KIAA1217: variants seen among roughly 807,000 people sequenced by gnomAD.
KIAA1217 encodes the protein sickle tail protein homolog.
In KIAA1217, 88 loss-of-function variants were observed where a neutral mutation model predicts 163.9. That is an observed-to-expected ratio of 0.54 (90% CI 0.45 to 0.64). KIAA1217 has a LOEUF of 0.64. KIAA1217 is among the 30% of genes least tolerant of loss of function. The probability of loss-of-function intolerance (pLI) is 0.00; values close to 1 mark genes in which losing one functional copy is unlikely to be tolerated. For missense variants in KIAA1217, 2,372 were observed against 2,475.0 expected (o/e 0.96, Z 0.88); for synonymous variants, 903 against 923.1 (o/e 0.98, Z 0.39).
At chr10:24,102,664 G>T (rs2062461340) in intron 2 of KIAA1217, among the ~76,000 whole-genome samples, 1 of 152,196 alleles carries the variant, frequency 6.6e-6, no homozygotes, top group African/African-American at 2.4e-5. Flanking sequence ...CAGTAATCAA[G>T]ATAATGTGGT....
At chr10:24,492,355 G>A (rs983710935) in intron 6 of KIAA1217, among the ~76,000 whole-genome samples, 11 of 152,200 alleles carry the variant, frequency 7.2e-5, no homozygotes, top group African/African-American at 2.7e-4. Flanking sequence ...GGGTTGCCAA[G>A]GTATGACTGA....
At chr10:23,721,415 T>A (rs1206683295) in intron 1 of KIAA1217, among the ~76,000 whole-genome samples, 1 of 152,218 alleles carries the variant, frequency 6.6e-6, no homozygotes, top group East Asian at 1.9e-4. Flanking sequence ...GGTAAAATAA[T>A]AGGTAAGACA....
rs113694066 is a variant in KIAA1217 at position 23,833,820 on chromosome 10, C to T, written c.-321+138586C>T. 5.2e-3 allele frequency among the ~76,000 whole-genome samples: 787 copies of T among 152,024 alleles called. 10 individuals are homozygous for T. The highest frequency in any genetic ancestry group is 0.017 in the African/African-American group (711 of 41,498). Reference sequence around the variant, plus strand: ...ATTTCTATTAGATAAGTGATATAACCTCTCAGTCTGTGCCCTTTTATTTTT... The same window carrying T: ...ATTTCTATTAGATAAGTGATATAACTTCTCAGTCTGTGCCCTTTTATTTTT... On this transcript the variant is annotated intron_variant, in intron 1 of 18. Transcript: ENST00000376462.
rs180843437 is a variant in KIAA1217, at chr10:24,449,114, C to G, written c.846+10635C>G. On this transcript the variant is annotated intron_variant, in intron 5 of 20. Coordinates refer to ENST00000376454, the MANE Select transcript of KIAA1217 (RefSeq NM_019590.5). ...CTGTTATGATTGATAAGGAAGGACT[C>G]TTACAGAAATGATTAGCTAGGCAAA... Among the ~76,000 whole-genome samples, 7 of 152,304 alleles carry G rather than the reference C, an allele frequency of 4.6e-5. No homozygotes were observed. In the East Asian group the frequency reaches 1.3e-3, roughly 29 times the overall value.
intron 1 of KIAA1217, among the ~76,000 whole-genome samples, chr10:23,816,372 A>G (rs1837314376): frequency 6.6e-6 from 1 of 152,132 alleles, no homozygotes; most frequent in Admixed American, 6.6e-5. Flanking sequence ...GGCTCACTGC[A>G]ACCTCCACCT....
At chr10:24,055,864 TAGA>T (rs2060512219) in intron 2 of KIAA1217, among the ~76,000 whole-genome samples, 1 of 151,850 alleles carries the variant, frequency 6.6e-6, no homozygotes, top group Admixed American at 6.6e-5. Context: ...TAGCTATAAA[TAGA>T]AGAATCATCA....
chr10:23,758,255 A>G (rs932547208), intron 1 of KIAA1217, among the ~76,000 whole-genome samples: 6 of 152,162 alleles, frequency 3.9e-5, no homozygotes, highest in African/African-American at 9.7e-5. Context: ...TAAGGGTCCA[A>G]TTTCATTCTT....
At chr10:24,344,811 T>C (rs1380544523) in intron 2 of KIAA1217, among the ~76,000 whole-genome samples, 1 of 152,246 alleles carries the variant, frequency 6.6e-6, no homozygotes, top group Non-Finnish European at 1.5e-5. Flanking sequence ...GTCTTCCATA[T>C]GTTTAATGGT....
chr10:24,467,790 GTGTGTA>G (rs934330541), intron 5 of KIAA1217, among the ~76,000 whole-genome samples: 2 of 146,974 alleles, frequency 1.4e-5, no homozygotes, highest in Admixed American at 1.4e-4. Flanking sequence ...CAACTCGTAT[GTGTGTA>G]TGTGTATGTG....
At chr10:24,495,055 A>G in intron 7 of KIAA1217, 92 bp from the exon 8 acceptor site, 2 of 1,063,814 alleles carry the variant, frequency 1.9e-6, no homozygotes, top group South Asian at 1.4e-5. Flanking sequence ...ATCACTGCCA[A>G]TTGCTTCAAA....
At chr10:23,807,431 A>G (rs1038749662) in intron 1 of KIAA1217, among the ~76,000 whole-genome samples, 1 of 152,266 alleles carries the variant, frequency 6.6e-6, no homozygotes, top group African/African-American at 2.4e-5. Flanking sequence ...CAGAATGTTC[A>G]GGAATGAGGC....
At chr10:23,814,068 T>G (rs1837204018) in intron 1 of KIAA1217, among the ~76,000 whole-genome samples, 1 of 152,152 alleles carries the variant, frequency 6.6e-6, no homozygotes, top group Non-Finnish European at 1.5e-5. Flanking sequence ...TAAAGAGACA[T>G]AAAACAATTA....
intron 1 of KIAA1217, among the ~76,000 whole-genome samples, chr10:23,761,532 G>C (rs766350920): frequency 6.6e-6 from 1 of 152,174 alleles, no homozygotes; most frequent in Non-Finnish European, 1.5e-5. Context: ...TCAGGAGCAA[G>C]TTGTTCAATT....
chr10:23,983,364 G>T (rs1325513257), intron 1 of KIAA1217, among the ~76,000 whole-genome samples: 1 of 152,124 alleles, frequency 6.6e-6, no homozygotes, highest in Non-Finnish European at 1.5e-5. Context: ...AGTTTAATTG[G>T]CTCATGATTC....
chr10:23,803,175 T>C (rs1836556151), intron 1 of KIAA1217, among the ~76,000 whole-genome samples: 2 of 152,214 alleles, frequency 1.3e-5, no homozygotes, highest in African/African-American at 4.8e-5. Flanking sequence ...ACTGGATTTA[T>C]AATTTGGGGT....
At chr10:23,791,147 T>C (rs2130933303) in intron 1 of KIAA1217, among the ~76,000 whole-genome samples, 1 of 152,330 alleles carries the variant, frequency 6.6e-6, no homozygotes, top group Non-Finnish European at 1.5e-5. Context: ...AAAATTCTGT[T>C]AATTTGGTTT....
intron 1 of KIAA1217, among the ~76,000 whole-genome samples, chr10:23,847,065 T>C (rs745797711): frequency 6.6e-5 from 10 of 152,174 alleles, no homozygotes; most frequent in Non-Finnish European, 1.2e-4. Flanking sequence ...TGAACCACCC[T>C]TGCCTCCCAG....
At chr10:24,337,333 G>A (rs764783318) in intron 2 of KIAA1217, among the ~76,000 whole-genome samples, 15 of 152,294 alleles carry the variant, frequency 9.8e-5, no homozygotes, top group South Asian at 2.1e-4. Flanking sequence ...CTAGCCATTA[G>A]AGAAATGCAA....
chr10:24,478,407 A>G (rs572008670), intron 6 of KIAA1217, among the ~76,000 whole-genome samples: 2 of 152,336 alleles, frequency 1.3e-5, no homozygotes, highest in East Asian at 3.9e-4. Flanking sequence ...AGCATCTAGT[A>G]ATAATAAATT....
Sources: allele counts gnomAD v4.1 joint callset (sites outside exome capture counted in the v4.1 genomes callset), GRCh38; gene constraint gnomAD v4.1.1; transcripts MANE v1.5; gene names NCBI Gene and HGNC (gene_info 2026-07-23, HGNC 2026-07-21).